The following TP53I13 variants were observed in gnomAD, a reference collection of about 807,000 sequenced individuals.
TP53I13 encodes the protein tumor protein p53-inducible protein 13.
In TP53I13, 27 loss-of-function variants were observed where a neutral mutation model predicts 39.1. The observed-to-expected ratio is 0.69, with a 90% confidence interval of 0.51 to 0.95. TP53I13 has a LOEUF of 0.95. Ranked by LOEUF, TP53I13 falls within the 40% of genes least tolerant of loss-of-function variation. TP53I13 has a pLI of 0.00. For missense variants in TP53I13, 544 were observed against 520.4 expected (o/e 1.05, Z -0.44); for synonymous variants, 230 against 224.6 (o/e 1.02, Z -0.22).
At chr17:29,566,909 G>C (rs887253447), upstream of TP53I13, 1 of 1,488,348 alleles carries the variant, frequency 6.7e-7, no homozygotes, top group South Asian at 1.3e-5. Context: ...GGGCCGAGCA[G>C]GCCGAGAAGG....
chr17:29,580,558 G>A, the TP53I13 span, among the ~76,000 whole-genome samples: 1 of 152,172 alleles, frequency 6.6e-6, no homozygotes. Flanking sequence ...CCTCTCAGAC[G>A]GAAGCAGAAA....
At chr17:29,574,422 AGTGATGCCTT>A (rs1300569745), downstream of TP53I13, 1 of 477,164 alleles carries the variant, frequency 2.1e-6, no homozygotes, top group Non-Finnish European at 3.8e-6. Flanking sequence ...AGGGGCTGGG[AGTGATGCCTT>A]GCAGGCCCCT....
intron 3 of TP53I13, chr17:29,569,921 T>C (rs1045667445): frequency 1.3e-5 from 2 of 152,014 alleles, no homozygotes; most frequent in African/African-American, 4.8e-5. Flanking sequence ...GAAATACTTA[T>C]TATTATTATT....
rs780406463 is a variant in TP53I13 at position 29,571,570 on chromosome 17, G to A, written c.184-21G>A. 6 of 1,612,640 alleles carry A rather than the reference G, an allele frequency of 3.7e-6. No individual in the cohort carries two copies. The Admixed American group carries it at 1.0e-4, about 27-fold the overall frequency. ...GGGAGGGCTCTGGGCCTGCTTTGAT[G>A]TCTCTGTGCCTTTCCTCCAGGCTGA... On this transcript the variant is annotated intron_variant, in intron 3 of 6. Coordinates refer to ENST00000301057, the MANE Select transcript of TP53I13 (RefSeq NM_138349.4).
At chr17:29,575,674 G>T, downstream of TP53I13, 1 of 1,612,780 alleles carries the variant, frequency 6.2e-7, no homozygotes, top group Non-Finnish European at 8.5e-7. The surrounding 1 kb of genome is among the most constrained non-coding windows in gnomAD (Gnocchi z 5.5). Context: ...AGTCACTGTC[G>T]GCTCCACTGC....
Position 29,572,281 on chromosome 17 carries a change from C to CA in TP53I13, c.654dup (p.Ala219SerfsTer24). 6.2e-7 allele frequency: 1 copy of CA among 1,612,948 alleles called. No individual in the cohort carries two copies. The highest frequency in any genetic ancestry group is 1.1e-5 in the South Asian group (1 of 91,086). On this transcript the variant is annotated frameshift_variant, in exon 6 of 7. Transcript: ENST00000301057. LOFTEE classifies it high-confidence loss of function. ...GCCCTTGGTCCCCAGCCCACTCGCT[C>CA]AGCCCTGAGGTTTCCCTCTGCTTCC... is the stretch of plus-strand genomic sequence containing the variant.
In TP53I13 at chr17:29,572,942, C is replaced by A. The variant is rs1567764265; in HGVS notation, c.*18C>A. 7.0e-6 allele frequency: 10 copies of A among 1,424,814 alleles called. No individual in the cohort carries two copies. Among genetic ancestry groups the A allele is most frequent in the Non-Finnish European group, 9.1e-6 (10 of 1,093,692 alleles). The allele number at this position is 1,424,814 out of a possible 1,614,324, so 88.3% of individuals were successfully genotyped here. ...CGGAGTGACGGCCTGGGACCTGCCA[C>A]TGTGGCGTGCGGCTCCTCCCCGCGC... On this transcript the variant is annotated 3_prime_UTR_variant, in exon 7 of 7. Coordinates refer to ENST00000301057, the MANE Select transcript of TP53I13 (RefSeq NM_138349.4).
chr17:29,574,737 G>A, downstream of TP53I13: 1 of 1,613,604 alleles, frequency 6.2e-7, no homozygotes, highest in South Asian at 1.1e-5. Context: ...ATGGTGACCA[G>A]CTGCTTGGCA....
At chr17:29,580,274 A>C in the TP53I13 span, among the ~76,000 whole-genome samples, 1 of 152,240 alleles carries the variant, frequency 6.6e-6, no homozygotes. Context: ...TTTACCATAC[A>C]CATGCACGCA....
downstream of TP53I13, chr17:29,576,436 C>T: frequency 5.0e-6 from 8 of 1,612,874 alleles, no homozygotes; most frequent in Non-Finnish European, 6.8e-6. Flanking sequence ...GGTTCTCCGC[C>T]TGCAGCTTGT....
intron 4 of TP53I13, 30 bp from the exon 5 acceptor site, chr17:29,571,827 C>T (rs201183212): frequency 2.7e-5 from 44 of 1,612,822 alleles, no homozygotes; most frequent in African/African-American, 9.3e-5. Flanking sequence ...CCACCTTCCT[C>T]GTAGCTCTAA....
At chr17:29,578,013 T>C (rs1057504773), downstream of TP53I13, among the ~76,000 whole-genome samples, 9 of 152,162 alleles carry the variant, frequency 5.9e-5, no homozygotes, top group African/African-American at 2.2e-4. Context: ...GAAGGAGTGA[T>C]GCAGGGGGGT....
At chr17:29,574,664 G>A (rs758984589), downstream of TP53I13, 1 of 1,488,882 alleles carries the variant, frequency 6.7e-7, no homozygotes, top group South Asian at 1.1e-5. Context: ...TATGGCCAGT[G>A]AGGTCCTAGG....
At chr17:29,575,138 C>A (rs145991218), downstream of TP53I13, 1 of 1,597,672 alleles carries the variant, frequency 6.3e-7, no homozygotes, top group Non-Finnish European at 8.6e-7. This position sits in a 1 kb window ranked among gnomAD's most constrained non-coding sequence, Gnocchi z 5.5. Context: ...GAGCAGGGCA[C>A]GAAGCTGCGG....
downstream of TP53I13, chr17:29,576,612 C>G: frequency 6.2e-7 from 1 of 1,614,048 alleles, no homozygotes; most frequent in East Asian, 2.2e-5. Context: ...CCAGGGCCTT[C>G]TTCAGCTCCA....
At chr17:29,569,395 C>T (rs1160260601) in intron 3 of TP53I13, 36 bp downstream of exon 3, 11 of 1,609,256 alleles carry the variant, frequency 6.8e-6, no homozygotes, top group Non-Finnish European at 9.3e-6. Flanking sequence ...CCTTGGTGTC[C>T]ACGCCTGGAG....
downstream of TP53I13, chr17:29,574,113 G>T (rs1271421334): frequency 2.0e-5 from 3 of 152,494 alleles, no homozygotes; most frequent in East Asian, 5.8e-4. Flanking sequence ...AAATTAAGGG[G>T]TGGGGAAGAA....
intron 3 of TP53I13, chr17:29,569,974 G>T (rs1001878022): frequency 2.0e-5 from 3 of 151,908 alleles, no homozygotes; most frequent in Admixed American, 6.6e-5. Context: ...CTGGAGTGCA[G>T]TGGCACTCAC....
At chr17:29,574,788 T>A (rs992357234), downstream of TP53I13, 15 of 1,613,068 alleles carry the variant, frequency 9.3e-6, no homozygotes, top group Non-Finnish European at 1.3e-5. Context: ...ACCTGCTGAG[T>A]CAGCAGCTGG....
Sources: allele counts gnomAD v4.1 joint callset (sites outside exome capture counted in the v4.1 genomes callset), GRCh38; gene constraint gnomAD v4.1.1; non-coding constraint Gnocchi (gnomAD v3.1); transcripts MANE v1.5; gene names NCBI Gene and HGNC (gene_info 2026-07-23, HGNC 2026-07-21).